Variants in GRM3 observed in about 807,000 individuals in gnomAD.
The protein encoded by GRM3 is metabotropic glutamate receptor 3.
A neutral mutation model predicts 70.5 loss-of-function variants in GRM3; 26 were observed. That is an observed-to-expected ratio of 0.37 (90% CI 0.27 to 0.51). The LOEUF is 0.51. Ranked by LOEUF, GRM3 falls within the 20% of genes least tolerant of loss-of-function variation. The pLI is 0.93. For missense variants in GRM3, 859 were observed against 1,123.8 expected (o/e 0.76, Z 3.37); for synonymous variants, 443 against 434.9 (o/e 1.02, Z -0.23).
chr7:86,851,211 G>A (rs1199058262), intron 5 of GRM3, among the ~76,000 whole-genome samples: 1 of 152,080 alleles, frequency 6.6e-6, no homozygotes, highest in Non-Finnish European at 1.5e-5. Context: ...GGAAAATGCT[G>A]GAATAGATCT....
chr7:86,699,128 A>G (rs1186561241), intron 1 of GRM3, among the ~76,000 whole-genome samples: 1 of 152,082 alleles, frequency 6.6e-6, no homozygotes, highest in Non-Finnish European at 1.5e-5. Flanking sequence ...TGTTTCAGGA[A>G]CCAGACGTTT....
chr7:86,792,651 A>G (rs1315492385), intron 3 of GRM3, among the ~76,000 whole-genome samples: 1 of 152,232 alleles, frequency 6.6e-6, no homozygotes, highest in Non-Finnish European at 1.5e-5. Context: ...CTGGGACCTG[A>G]GGACCCAACA....
intron 5 of GRM3, among the ~76,000 whole-genome samples, chr7:86,862,879 G>A (rs1329017338): frequency 6.6e-6 from 1 of 152,030 alleles, no homozygotes; most frequent in African/African-American, 2.4e-5. Context: ...AAAATGTAGG[G>A]GTCAATTATA....
At chr7:86,714,989 C>A (rs1176268973) in intron 1 of GRM3, among the ~76,000 whole-genome samples, 2 of 152,022 alleles carry the variant, frequency 1.3e-5, no homozygotes, top group Non-Finnish European at 2.9e-5. Context: ...CACCTCTCTA[C>A]TCATTCCTGT....
chr7:86,863,854 T>C (rs17161069), intron 5 of GRM3, among the ~76,000 whole-genome samples: 10,603 of 152,208 alleles, frequency 0.07, 1,242 homozygotes, highest in African/African-American at 0.24. Flanking sequence ...ACAATGATTA[T>C]ACTTACAAAT....
chr7:86,762,723 T>C (rs1343487145), intron 1 of GRM3, among the ~76,000 whole-genome samples: 1 of 152,144 alleles, frequency 6.6e-6, no homozygotes, highest in Non-Finnish European at 1.5e-5. Flanking sequence ...ATACTTGATC[T>C]TTCCTGGTAG....
intron 3 of GRM3, among the ~76,000 whole-genome samples, chr7:86,795,705 T>A (rs1797533513): frequency 6.6e-6 from 1 of 152,172 alleles, no homozygotes; most frequent in African/African-American, 2.4e-5. Flanking sequence ...ATGTCTTTGC[T>A]ATAGTGAATA....
rs1340806290 is a variant in GRM3 at position 86,765,343 on chromosome 7, T to C, written c.198T>C (p.Ile66=). Reference sequence around the variant, plus strand: ...GGCGAATCAATGAAGACCGAGGGATTCAACGCCTGGAAGCCATGTTGTTTG... The same window carrying C: ...GGCGAATCAATGAAGACCGAGGGATCCAACGCCTGGAAGCCATGTTGTTTG... ...ECGRINEDRG[I]QRLEAMLFAI... is the part of the protein sequence containing the mutation. Residue 66 remains isoleucine, a synonymous_variant, in exon 2 of 6, where the codon ATT becomes ATC. Coordinates refer to ENST00000361669, the MANE Select transcript of GRM3 (RefSeq NM_000840.3). 5 of 1,613,900 alleles carry C rather than the reference T, an allele frequency of 3.1e-6. No individual in the cohort carries two copies. Among genetic ancestry groups the C allele is most frequent in the Non-Finnish European group, 4.2e-6 (5 of 1,179,884 alleles).
intron 1 of GRM3, among the ~76,000 whole-genome samples, chr7:86,662,130 T>A (rs802421): frequency 0.69 from 104,031 of 151,706 alleles, 36,074 homozygotes; most frequent in East Asian, 0.87. Context: ...AATGCTTCTT[T>A]TTTTGCTACA....
intron 1 of GRM3, among the ~76,000 whole-genome samples, chr7:86,686,883 G>A (rs1017063195): frequency 2.0e-5 from 3 of 151,856 alleles, no homozygotes; most frequent in Admixed American, 6.6e-5. Flanking sequence ...ATAGAGGAAA[G>A]AATGGAATTT....
intron 1 of GRM3, among the ~76,000 whole-genome samples, chr7:86,707,686 TA>T (rs1471039452): frequency 6.6e-6 from 1 of 152,052 alleles, no homozygotes; most frequent in African/African-American, 2.4e-5. Context: ...TATTATTACA[TA>T]AAATGGTTGG....
At chr7:86,805,347 C>T (rs1664621426) in intron 3 of GRM3, among the ~76,000 whole-genome samples, 1 of 152,058 alleles carries the variant, frequency 6.6e-6, no homozygotes. Flanking sequence ...TTCCCACATA[C>T]TCCTCCCTGA....
intron 1 of GRM3, among the ~76,000 whole-genome samples, chr7:86,691,653 T>C (rs1794699176): frequency 6.6e-6 from 1 of 152,240 alleles, no homozygotes; most frequent in African/African-American, 2.4e-5. Context: ...CTCTTGTGAA[T>C]GGATTAATAA....
chr7:86,861,020 C>T lies in GRM3; in HGVS notation c.2567-3262C>T, dbSNP rs1039989641. Among the ~76,000 whole-genome samples, 9 of 152,140 alleles carry T rather than the reference C, an allele frequency of 5.9e-5. No homozygotes were observed. The East Asian group carries it at 1.7e-3, about 29-fold the overall frequency. ...TCAATCGCTAAAATTTCATTTTTAG[C>T]ATGCACAGAAATAATACAACTTGAT... On this transcript the variant is annotated intron_variant, in intron 5 of 5. Coordinates refer to ENST00000361669, the MANE Select transcript of GRM3 (RefSeq NM_000840.3).
At chr7:86,685,878 C>G (rs900788029) in intron 1 of GRM3, among the ~76,000 whole-genome samples, 15 of 148,206 alleles carry the variant, frequency 1.0e-4, no homozygotes, top group African/African-American at 3.8e-4. Context: ...GCACTCTTAG[C>G]CTGGGCAACA....
intron 1 of GRM3, among the ~76,000 whole-genome samples, chr7:86,718,701 C>T (rs1041719891): frequency 2.0e-5 from 3 of 151,834 alleles, no homozygotes; most frequent in South Asian, 2.1e-4. Context: ...TCAGAACACC[C>T]GGGTGACAGT....
At chr7:86,778,774 T>G (rs1056936724) in intron 2 of GRM3, among the ~76,000 whole-genome samples, 1 of 152,168 alleles carries the variant, frequency 6.6e-6, no homozygotes, top group African/African-American at 2.4e-5. Context: ...ATACTAAAAA[T>G]ATACAGCTAA....
intron 3 of GRM3, among the ~76,000 whole-genome samples, chr7:86,835,239 A>G (rs951932782): frequency 6.6e-6 from 1 of 152,098 alleles, no homozygotes; most frequent in Non-Finnish European, 1.5e-5. Context: ...TTGTATGGTA[A>G]TATACATTTT....
chr7:86,706,085 A>G (rs752596795), intron 1 of GRM3, among the ~76,000 whole-genome samples: 40 of 152,092 alleles, frequency 2.6e-4, no homozygotes, highest in Non-Finnish European at 3.4e-4. Flanking sequence ...TATACACTAC[A>G]TTTCTAATTC....
Sources: allele counts gnomAD v4.1 joint callset (sites outside exome capture counted in the v4.1 genomes callset), GRCh38; gene constraint gnomAD v4.1.1; transcripts MANE v1.5; gene names NCBI Gene and HGNC (gene_info 2026-07-23, HGNC 2026-07-21).